GRID2: variants seen among roughly 807,000 people sequenced by gnomAD.
GRID2 encodes glutamate receptor ionotropic, delta-2.
In GRID2, 33 loss-of-function variants were observed where a neutral mutation model predicts 114.8. That is an observed-to-expected ratio of 0.29 (90% confidence interval 0.22 to 0.38). GRID2 has a LOEUF of 0.38. GRID2 is among the 10% of genes least tolerant of loss of function. The pLI is 1.00. For missense variants in GRID2, 1,184 were observed against 1,257.7 expected (o/e 0.94, Z 0.89); for synonymous variants, 505 against 449.9 (o/e 1.12, Z -1.55).
chr4:92,432,315 T>C (rs1579348925), intron 1 of GRID2, among the ~76,000 whole-genome samples: 1 of 152,122 alleles, frequency 6.6e-6, no homozygotes, highest in South Asian at 2.1e-4. Flanking sequence ...TGCAGGCTGG[T>C]GTCCTTTCCT....
intron 2 of GRID2, among the ~76,000 whole-genome samples, chr4:92,668,500 G>T (rs771726269): frequency 1.3e-5 from 2 of 151,638 alleles, no homozygotes; most frequent in African/African-American, 4.8e-5. Context: ...ATCTATTAAT[G>T]CTTCATTTAA....
chr4:92,930,019 C>T (rs941160803), intron 2 of GRID2, among the ~76,000 whole-genome samples: 1 of 151,226 alleles, frequency 6.6e-6, no homozygotes, highest in African/African-American at 2.4e-5. Flanking sequence ...CTCCTTCTCC[C>T]TCCCTCCATC....
At chr4:92,765,720 G>C (rs952915990) in intron 2 of GRID2, among the ~76,000 whole-genome samples, 1 of 152,172 alleles carries the variant, frequency 6.6e-6, no homozygotes, top group African/African-American at 2.4e-5. Flanking sequence ...CATTTTAGTA[G>C]TTATGAAAGT....
intron 5 of GRID2, among the ~76,000 whole-genome samples, chr4:93,213,271 G>T (rs1316716523): frequency 1.3e-5 from 2 of 152,004 alleles, no homozygotes; most frequent in African/African-American, 2.4e-5. Flanking sequence ...TTGCCTAATT[G>T]ATTCATATTA....
chr4:93,794,502 C>T (rs940079910), intron 1 of GRID2, among the ~76,000 whole-genome samples: 1 of 152,110 alleles, frequency 6.6e-6, no homozygotes, highest in Non-Finnish European at 1.5e-5. Context: ...GCCACGGCAC[C>T]TCCACATCTC....
intron 13 of GRID2, among the ~76,000 whole-genome samples, chr4:93,582,003 C>T (rs974288536): frequency 3.3e-5 from 5 of 152,046 alleles, no homozygotes; most frequent in African/African-American, 1.2e-4. Context: ...TTTTGTGCTC[C>T]ATGTATTGAT....
chr4:93,399,668 T>G (rs61661603), intron 9 of GRID2, among the ~76,000 whole-genome samples: 21 of 151,892 alleles, frequency 1.4e-4, no homozygotes, highest in African/African-American at 4.8e-4. Flanking sequence ...TGAGCTACAG[T>G]GCAGAAAAAG....
intron 13 of GRID2, among the ~76,000 whole-genome samples, chr4:93,556,058 A>G (rs1474010138): frequency 6.6e-6 from 1 of 152,206 alleles, no homozygotes; most frequent in Admixed American, 6.5e-5. Flanking sequence ...AAAGAATAGC[A>G]TCAACATCAA....
chr4:93,789,670 T>C (rs143971550), intron 1 of GRID2, among the ~76,000 whole-genome samples: 130 of 152,368 alleles, frequency 8.5e-4, no homozygotes, highest in African/African-American at 3.0e-3. Context: ...ATATGGGACA[T>C]ATCAAACATT....
chr4:93,798,009 C>T (rs544506828), intron 1 of GRID2, among the ~76,000 whole-genome samples: 24 of 151,984 alleles, frequency 1.6e-4, no homozygotes, highest in Admixed American at 2.0e-4. Context: ...AAAAATTAGC[C>T]AGGCATGGTG....
intron 2 of GRID2, among the ~76,000 whole-genome samples, chr4:92,766,255 T>C (rs188434157): frequency 1.9e-3 from 289 of 152,230 alleles, no homozygotes; most frequent in African/African-American, 6.3e-3. Context: ...GAAGACACTT[T>C]TAGCTGGGTG....
At chr4:93,161,161 A>T (rs1737654947) in intron 4 of GRID2, among the ~76,000 whole-genome samples, 1 of 151,884 alleles carries the variant, frequency 6.6e-6, no homozygotes, top group South Asian at 2.1e-4. Flanking sequence ...ATGCAAATTT[A>T]AAAAGGATTT....
At chr4:92,989,617 G>T (rs1193797588) in intron 2 of GRID2, among the ~76,000 whole-genome samples, 1 of 152,190 alleles carries the variant, frequency 6.6e-6, no homozygotes. Flanking sequence ...AGCTGCTCTG[G>T]TCTGAAATTT....
chr4:92,560,160 T>TG (rs769607776), intron 1 of GRID2, among the ~76,000 whole-genome samples: 1 of 152,166 alleles, frequency 6.6e-6, no homozygotes, highest in South Asian at 2.1e-4. Context: ...AGGATAAATG[T>TG]GGAGAAGAAA....
chr4:93,508,712 A>G (rs1728887668), intron 12 of GRID2, among the ~76,000 whole-genome samples: 2 of 152,176 alleles, frequency 1.3e-5, no homozygotes, highest in Admixed American at 6.5e-5. Flanking sequence ...CTAGATCTGG[A>G]TTTCAAAGAT....
chr4:93,117,842 A>C (rs926709299), intron 4 of GRID2, among the ~76,000 whole-genome samples: 1 of 152,204 alleles, frequency 6.6e-6, no homozygotes, highest in Non-Finnish European at 1.5e-5. Context: ...ATGTTAAAGA[A>C]TCAGCAATGC....
chr4:93,336,989 C>G (rs1248682116), intron 8 of GRID2, among the ~76,000 whole-genome samples: 1 of 151,974 alleles, frequency 6.6e-6, no homozygotes, highest in Non-Finnish European at 1.5e-5. Flanking sequence ...CAATTCAAAT[C>G]TTTACTTATC....
intron 2 of GRID2, among the ~76,000 whole-genome samples, chr4:92,865,346 T>G (rs568241621): frequency 6.6e-6 from 1 of 152,334 alleles, no homozygotes; most frequent in African/African-American, 2.4e-5. Flanking sequence ...GTTATTGAAG[T>G]AATAAAATAC....
chr4:93,594,071 C>A (rs545241855), intron 13 of GRID2, among the ~76,000 whole-genome samples: 4 of 152,208 alleles, frequency 2.6e-5, no homozygotes, highest in African/African-American at 9.6e-5. Flanking sequence ...AGTCGTTCTC[C>A]GTCCAGCTTT....
Sources: allele counts gnomAD v4.1 joint callset (sites outside exome capture counted in the v4.1 genomes callset), GRCh38; gene constraint gnomAD v4.1.1; transcripts MANE v1.5; gene names NCBI Gene and HGNC (gene_info 2026-07-23, HGNC 2026-07-21).